Variants in ZSWIM6 observed in about 807,000 individuals in gnomAD.
ZSWIM6 encodes the protein zinc finger SWIM domain-containing protein 6.
Under a neutral mutation model 113.2 loss-of-function variants are expected in ZSWIM6, and 9 were observed. The observed-to-expected ratio is 0.08, with a 90% CI of 0.05 to 0.14. ZSWIM6 has a LOEUF of 0.14. Among genes scored for constraint, ZSWIM6 ranks in the 10% least tolerant of loss-of-function variants. ZSWIM6 has a pLI of 1.00. For synonymous variants in ZSWIM6, 611 were observed against 606.5 expected, an observed-to-expected ratio of 1.01 and a Z score of -0.11; for missense variants, 1,162 against 1,552.2, an observed-to-expected ratio of 0.75 and a Z score of 4.22.
intron 1 of ZSWIM6, among the ~76,000 whole-genome samples, chr5:61,422,421 CTAAG>C (rs1427255440): frequency 6.6e-6 from 1 of 152,168 alleles, no homozygotes; most frequent in African/African-American, 2.4e-5. Context: ...ATTCCACTTA[CTAAG>C]TGTCTATTTT....
chr5:61,525,490 G>A (rs2112267605), intron 5 of ZSWIM6, among the ~76,000 whole-genome samples: 1 of 152,294 alleles, frequency 6.6e-6, no homozygotes, highest in South Asian at 2.1e-4. Flanking sequence ...TTTGTGCTGA[G>A]TGGCTCCTTT....
At chr5:61,474,695 A>G (rs1747664293) in intron 2 of ZSWIM6, among the ~76,000 whole-genome samples, 1 of 152,198 alleles carries the variant, frequency 6.6e-6, no homozygotes, top group Non-Finnish European at 1.5e-5. Context: ...GCACAGCTCT[A>G]GAGTCTTCTG....
At position 61,466,693 on chromosome 5, in the gene ZSWIM6, AG is replaced by A. The variant is rs536362725; in HGVS notation, c.677-5987del. ...TGCTTTGAGTTTATAACAGTCTTTC[AG>A]TTTATAACAGTCTTTCAGTTAACTG... On this transcript the variant is annotated intron_variant, in intron 1 of 13. Coordinates refer to ENST00000252744, the MANE Select transcript of ZSWIM6 (RefSeq NM_020928.2). Among the ~76,000 whole-genome samples the A allele has an allele frequency of 3.0e-3, 455 of 152,276 alleles. 2 individuals are homozygous for A. The highest frequency in any genetic ancestry group is 4.1e-3 in the Admixed American group (63 of 15,304).
chr5:61,489,697 T>G lies in ZSWIM6; in HGVS notation c.1034-1089T>G, dbSNP rs111226335. Among the ~76,000 whole-genome samples, 42 of 152,198 alleles carry G rather than the reference T, an allele frequency of 2.8e-4. 2 individuals are homozygous for G. The highest frequency in any genetic ancestry group is 1.0e-3 in the African/African-American group (42 of 41,564). On this transcript the variant is annotated intron_variant, in intron 2 of 13. Coordinates refer to ENST00000252744, the MANE Select transcript of ZSWIM6 (RefSeq NM_020928.2). The stretch of plus-strand genomic sequence containing the variant: ...GTAGATTCAGTGAGGACAGGAATTC[T>G]GTCTAGTTTGTACCGCTATTCTATC...
At chr5:61,458,794 C>T (rs781131619) in intron 1 of ZSWIM6, among the ~76,000 whole-genome samples, 2 of 151,568 alleles carry the variant, frequency 1.3e-5, no homozygotes, top group African/African-American at 2.4e-5. Context: ...AGGAGAATCA[C>T]TTGAACCCAT....
intron 1 of ZSWIM6, among the ~76,000 whole-genome samples, chr5:61,405,456 C>T (rs1413555382): frequency 1.3e-5 from 2 of 152,154 alleles, no homozygotes; most frequent in Non-Finnish European, 2.9e-5. Context: ...CCACCATCAT[C>T]GTCATGGAGA....
chr5:61,448,544 G>T (rs939560817), intron 1 of ZSWIM6, among the ~76,000 whole-genome samples: 1 of 151,972 alleles, frequency 6.6e-6, no homozygotes, highest in Non-Finnish European at 1.5e-5. Flanking sequence ...ATCAAATACT[G>T]TAGTTTTCTA....
chr5:61,440,642 G>A (rs935299980), intron 1 of ZSWIM6, among the ~76,000 whole-genome samples: 5 of 152,192 alleles, frequency 3.3e-5, no homozygotes, highest in African/African-American at 1.2e-4. Context: ...ACAGGTCTAT[G>A]TGAGAACTGA....
At chr5:61,524,996 A>G (rs972891820) in intron 5 of ZSWIM6, among the ~76,000 whole-genome samples, 2 of 152,110 alleles carry the variant, frequency 1.3e-5, no homozygotes, top group Non-Finnish European at 2.9e-5. Flanking sequence ...TATTCCCCAA[A>G]CATTTCTTTT....
chr5:61,384,892 C>T (rs1287001706), intron 1 of ZSWIM6, among the ~76,000 whole-genome samples: 2 of 152,106 alleles, frequency 1.3e-5, no homozygotes, highest in African/African-American at 4.8e-5. Flanking sequence ...CCCGTCTCTA[C>T]TAAAAATACA....
At chr5:61,460,531 G>A (rs548482675) in intron 1 of ZSWIM6, among the ~76,000 whole-genome samples, 1 of 152,132 alleles carries the variant, frequency 6.6e-6, no homozygotes, top group Non-Finnish European at 1.5e-5. Flanking sequence ...AATGGGGTCT[G>A]TACTGTAGTT....
rs1447611695 is a variant in ZSWIM6, at chr5:61,530,281, G to A, written c.1984+83G>A. On this transcript the variant is annotated intron_variant, in intron 8 of 13. Coordinates refer to ENST00000252744, the MANE Select transcript of ZSWIM6 (RefSeq NM_020928.2). ...TAGTCATTGTTTTTCTTTACATTAT[G>A]TTTTATGGAACCATGTAGTTAACAG... 6 of 1,372,640 alleles carry A rather than the reference G, an allele frequency of 4.4e-6. No individual in the cohort carries two copies. In the East Asian group the frequency reaches 1.3e-4, roughly 29 times the overall value. 85.0% of individuals were successfully genotyped at this position (1,372,640 alleles called of 1,614,324 possible). A position where few individuals can be genotyped will look rare whatever the true frequency, so the allele number is the denominator to read the frequency against.
chr5:61,340,898 T>C (rs1382733603), intron 1 of ZSWIM6, among the ~76,000 whole-genome samples: 1 of 152,244 alleles, frequency 6.6e-6, no homozygotes, highest in African/African-American at 2.4e-5. Context: ...TTCATGCTAG[T>C]GTAAAACATT....
chr5:61,486,102 C>T (rs148382703), intron 2 of ZSWIM6, among the ~76,000 whole-genome samples: 158 of 152,264 alleles, frequency 1.0e-3, no homozygotes, highest in African/African-American at 3.6e-3. Flanking sequence ...TAAGTAATTT[C>T]TTGTCACCCA....
At chr5:61,486,401 A>C (rs1748024274) in intron 2 of ZSWIM6, among the ~76,000 whole-genome samples, 1 of 145,066 alleles carries the variant, frequency 6.9e-6, no homozygotes, top group South Asian at 3.1e-4. Context: ...GCTGTGATAT[A>C]ACGTAGGAGT....
chr5:61,428,409 C>T (rs1398048274), intron 1 of ZSWIM6, among the ~76,000 whole-genome samples: 1 of 152,204 alleles, frequency 6.6e-6, no homozygotes, highest in Non-Finnish European at 1.5e-5. Context: ...GTCACCCACG[C>T]TGGAGCACAG....
intron 1 of ZSWIM6, among the ~76,000 whole-genome samples, chr5:61,417,092 A>T (rs1343026379): frequency 6.6e-6 from 1 of 152,098 alleles, no homozygotes; most frequent in Non-Finnish European, 1.5e-5. Context: ...CAGTGAGCCG[A>T]GATTGTGTCA....
At chr5:61,358,414 T>C (rs925688585) in intron 1 of ZSWIM6, among the ~76,000 whole-genome samples, 7 of 152,186 alleles carry the variant, frequency 4.6e-5, no homozygotes, top group African/African-American at 1.7e-4. Flanking sequence ...TTATAAGAAA[T>C]GGAAGCCTAA....
At chr5:61,358,018 A>G (rs1375418519) in intron 1 of ZSWIM6, among the ~76,000 whole-genome samples, 1 of 152,170 alleles carries the variant, frequency 6.6e-6, no homozygotes, top group Non-Finnish European at 1.5e-5. Context: ...TTCCTGGAAC[A>G]TCCCTGGATG....
Sources: gnomAD v4.1 joint callset for allele counts (sites outside exome capture counted in the v4.1 genomes callset) on GRCh38, gnomAD v4.1.1 for gene constraint, MANE v1.5 for transcripts, NCBI Gene and HGNC (gene_info 2026-07-23, HGNC 2026-07-21) for gene names.